The following ITGB3 variants were observed in gnomAD, a reference collection of about 807,000 sequenced individuals.
ITGB3 encodes the protein integrin beta-3.
ITGB3 carries 48 observed loss-of-function variants against 85.8 expected under a neutral mutation model. The observed-to-expected ratio is 0.56, with a 90% CI of 0.44 to 0.71. The LOEUF is 0.71. Among genes scored for constraint, ITGB3 ranks in the 30% least tolerant of loss-of-function variants. The pLI is 0.00. For missense variants in ITGB3, 861 were observed against 1,019.1 expected (o/e 0.84, Z 2.11); for synonymous variants, 363 against 395.6 (o/e 0.92, Z 0.98).
intron 11 of ITGB3, 59 bp from the exon 12 acceptor site, chr17:47,300,419 T>C: frequency 1.7e-6 from 2 of 1,202,150 alleles, no homozygotes. Context: ...AGAGCTGGAC[T>C]GGGATACGCT....
At chr17:47,289,266 G>A (rs924711489) in intron 6 of ITGB3, among the ~76,000 whole-genome samples, 4 of 152,036 alleles carry the variant, frequency 2.6e-5, no homozygotes, top group Non-Finnish European at 5.9e-5. Context: ...GTACCTCTTC[G>A]TCTATCCCTG....
In ITGB3 at chr17:47,312,755, T is replaced by C. The variant is rs2065220583; in HGVS notation, c.*2551T>C. Among the ~76,000 whole-genome samples the C allele has an allele frequency of 6.6e-6, 1 of 152,226 alleles. No homozygotes were observed. The highest frequency in any genetic ancestry group is 1.5e-5 in the Non-Finnish European group (1 of 68,038). On this transcript the variant is annotated 3_prime_UTR_variant, in exon 15 of 15. Transcript: ENST00000559488. ...TGGGGATAACCTGTAGCTGCATTCA[T>C]GAGGTAGCAAATAGCAGTTTTGGCC...
At chr17:47,274,108 C>T (rs564949469) in intron 1 of ITGB3, among the ~76,000 whole-genome samples, 1 of 152,256 alleles carries the variant, frequency 6.6e-6, no homozygotes, top group Non-Finnish European at 1.5e-5. Flanking sequence ...GGTGTCAAAC[C>T]AGTTGTTAAT....
chr17:47,310,903 C>T lies in ITGB3; in HGVS notation c.*699C>T, dbSNP rs886053093. ...GTTGGGAGTGAGGATGTCTGGGCCA[C>T]TCAGGGGTCATTCATGGCCTGGGGG... is the stretch of plus-strand genomic sequence containing the variant. On this transcript the variant is annotated 3_prime_UTR_variant, in exon 15 of 15. Coordinates refer to ENST00000559488, the MANE Select transcript of ITGB3 (RefSeq NM_000212.3). 4.4e-5 allele frequency: 7 copies of T among 158,538 alleles called. No homozygotes were observed. 9.8% of individuals were successfully genotyped at this position (158,538 alleles called of 1,614,324 possible).
At chr17:47,259,766 G>T (rs1467850190) in intron 1 of ITGB3, among the ~76,000 whole-genome samples, 2 of 152,120 alleles carry the variant, frequency 1.3e-5, no homozygotes, top group African/African-American at 2.4e-5. Context: ...GGGCATGGTG[G>T]CATGCGTCTG....
chr17:47,299,865 C>T lies in ITGB3; in HGVS notation c.1913+335C>T, dbSNP rs1248919260. 1.3e-5 allele frequency among the ~76,000 whole-genome samples: 2 copies of T among 152,172 alleles called. No individual in the cohort carries two copies. The highest frequency in any genetic ancestry group is 2.4e-5 in the African/African-American group (1 of 41,432). On this transcript the variant is annotated intron_variant, in intron 11 of 14. Transcript: ENST00000559488. The surrounding 1 kb of genome is among the most constrained non-coding windows in gnomAD (Gnocchi z 5.1). ...TCTGATTCAGTGGGAGATGTGAGGGCTGGAATTATGGAGGACACTCTGTGA... is the reference window on the plus strand; with the variant it reads ...TCTGATTCAGTGGGAGATGTGAGGGTTGGAATTATGGAGGACACTCTGTGA...
chr17:47,264,091 T>C (rs986378351), intron 1 of ITGB3, among the ~76,000 whole-genome samples: 3 of 152,248 alleles, frequency 2.0e-5, no homozygotes, highest in African/African-American at 4.8e-5. Flanking sequence ...TGCTTAGTTC[T>C]GTTTGGTTGA....
chr17:47,275,008 G>A (rs1021664631), intron 2 of ITGB3, among the ~76,000 whole-genome samples: 9 of 152,154 alleles, frequency 5.9e-5, no homozygotes, highest in Non-Finnish European at 1.0e-4. Flanking sequence ...CAAAAGGAGA[G>A]GCAGCAAGGG....
chr17:47,268,790 T>C (rs1168821109), intron 1 of ITGB3, among the ~76,000 whole-genome samples: 1 of 152,204 alleles, frequency 6.6e-6, no homozygotes, highest in African/African-American at 2.4e-5. Context: ...GGCCCTCTGC[T>C]CACAGCTCCA....
chr17:47,292,422 G>C lies in ITGB3; in HGVS notation c.1544G>C (p.Arg515Pro), dbSNP rs13306487. 3 of 1,611,568 alleles carry C rather than the reference G, an allele frequency of 1.9e-6. No individual in the cohort carries two copies. Among genetic ancestry groups the C allele is most frequent in the Non-Finnish European group, 2.5e-6 (3 of 1,177,876 alleles). The change falls in exon 10 of 15, where the codon CGG becomes CCG. Residue 515 changes from arginine (R) to proline (P), a missense_variant. By Grantham distance (103) the Arg-to-Pro change is moderately radical. Coordinates refer to ENST00000559488, the MANE Select transcript of ITGB3 (RefSeq NM_000212.3). ...TCCCAGCAGGACGAATGCAGCCCCC[G>C]GGAGGGTCAGCCCGTCTGCAGCCAG... ...RPSQQDECSP[R>P]EGQPVCSQRG...
chr17:47,300,517 A>G lies in ITGB3; in HGVS notation c.1953A>G (p.Leu651=). 1 of 1,614,178 alleles carries G rather than the reference A, an allele frequency of 6.2e-7. No individual in the cohort carries two copies. The highest frequency in any genetic ancestry group is 8.5e-7 in the Non-Finnish European group (1 of 1,180,020). The change falls in exon 12 of 15, where the codon CTA becomes CTG. Residue 651 remains leucine (L), a synonymous_variant. Coordinates refer to ENST00000559488, the MANE Select transcript of ITGB3 (RefSeq NM_000212.3). ...GTAAGAAGTTTGACCGGGGAGCCCT[A>G]CATGACGAAAATACCTGCAACCGTT... The part of the protein sequence containing the change: ...VECKKFDRGA[L]HDENTCNRYC...
chr17:47,259,865 C>G (rs1238547482), intron 1 of ITGB3, among the ~76,000 whole-genome samples: 1 of 152,184 alleles, frequency 6.6e-6, no homozygotes, highest in African/African-American at 2.4e-5. Context: ...TGCCATTGCA[C>G]TCCAGCCTGA....
At position 47,313,635 on chromosome 17, in the gene ITGB3, C is replaced by T. The variant is rs2065225289; in HGVS notation, c.*3431C>T. On this transcript the variant is annotated 3_prime_UTR_variant, in exon 15 of 15. Coordinates refer to ENST00000559488, the MANE Select transcript of ITGB3 (RefSeq NM_000212.3). ...AAGTGCTGGGATTACAGGCGTGAGC[C>T]ACTGCCCCCGGCTGTGGTTGAAATT... is the stretch of plus-strand genomic sequence containing the variant. Among the ~76,000 whole-genome samples, 1 of 152,178 alleles carries T rather than the reference C, an allele frequency of 6.6e-6. No homozygotes were observed.
intron 3 of ITGB3, among the ~76,000 whole-genome samples, chr17:47,284,123 T>C (rs1808648179): frequency 6.6e-6 from 1 of 152,250 alleles, no homozygotes; most frequent in Non-Finnish European, 1.5e-5. Flanking sequence ...TAGGGTGCAG[T>C]TTCTGTCTTT....
At chr17:47,308,708 G>A (rs2065200213) in intron 14 of ITGB3, among the ~76,000 whole-genome samples, 1 of 152,086 alleles carries the variant, frequency 6.6e-6, no homozygotes, top group Admixed American at 6.6e-5. Context: ...CACCATGTTG[G>A]CCAGGCTGGT....
chr17:47,270,320 G>C (rs2065040065), intron 1 of ITGB3, among the ~76,000 whole-genome samples: 1 of 152,058 alleles, frequency 6.6e-6, no homozygotes, highest in South Asian at 2.1e-4. Flanking sequence ...TTACCCCTTG[G>C]CATGCCAATT....
chr17:47,270,997 C>A (rs1001381378), intron 1 of ITGB3, among the ~76,000 whole-genome samples: 2 of 152,168 alleles, frequency 1.3e-5, no homozygotes, highest in Non-Finnish European at 2.9e-5. Context: ...ATTCCCCTAC[C>A]TTTCATTTTG....
At chr17:47,264,486 T>C (rs924475402) in intron 1 of ITGB3, among the ~76,000 whole-genome samples, 47 of 152,222 alleles carry the variant, frequency 3.1e-4, no homozygotes, top group Non-Finnish European at 8.8e-5. Context: ...TCTTTCCTTT[T>C]TGCTTCCCTT....
In ITGB3 at chr17:47,310,653, T is replaced by G. The variant is rs1033420093; in HGVS notation, c.*449T>G. The G allele has an allele frequency of 4.3e-5, 11 of 258,204 alleles. No individual in the cohort carries two copies. Among genetic ancestry groups the G allele is most frequent in the South Asian group, 2.1e-4 (4 of 18,938 alleles). 16.0% of individuals were successfully genotyped at this position (258,204 alleles called of 1,614,324 possible). ...CACCAAGCCTTGGCTCTACCCTGAGTTCATAAATTTATGGTTCTCAGGCCT... is the reference window on the plus strand; with the variant it reads ...CACCAAGCCTTGGCTCTACCCTGAGGTCATAAATTTATGGTTCTCAGGCCT... On this transcript the variant is annotated 3_prime_UTR_variant, in exon 15 of 15. Coordinates refer to ENST00000559488, the MANE Select transcript of ITGB3 (RefSeq NM_000212.3).
Sources: allele counts gnomAD v4.1 joint callset (sites outside exome capture counted in the v4.1 genomes callset), GRCh38; gene constraint gnomAD v4.1.1; non-coding constraint Gnocchi (gnomAD v3.1); transcripts MANE v1.5; gene names NCBI Gene and HGNC (gene_info 2026-07-23, HGNC 2026-07-21).